The following MEF2C variants were observed in gnomAD, a reference collection of about 807,000 sequenced individuals.
The protein encoded by MEF2C is myocyte-specific enhancer factor 2C.
A neutral mutation model predicts 50.5 loss-of-function variants in MEF2C; 6 were observed. The observed-to-expected ratio is 0.12, with a 90% CI of 0.07 to 0.23. MEF2C has a LOEUF of 0.23. MEF2C is among the 10% of genes least tolerant of loss of function. The pLI, the probability that MEF2C is intolerant of heterozygous loss-of-function variation, is 1.00. For missense variants in MEF2C, 276 were observed against 605.0 expected, an observed-to-expected ratio of 0.46 and a Z score of 5.70; for synonymous variants, 183 against 228.0, an observed-to-expected ratio of 0.80 and a Z score of 1.78.
chr5:88,792,028 A>G (rs530192065), intron 3 of MEF2C, among the ~76,000 whole-genome samples: 1 of 152,218 alleles, frequency 6.6e-6, no homozygotes, highest in East Asian at 1.9e-4. Context: ...AGTAAGATCT[A>G]TATCAATTAT....
intron 2 of MEF2C, among the ~76,000 whole-genome samples, chr5:88,809,639 T>C (rs1801966367): frequency 6.6e-6 from 1 of 152,112 alleles, no homozygotes; most frequent in Non-Finnish European, 1.5e-5. Context: ...TTATTTAGAG[T>C]TGGGTGAATT....
intron 10 of MEF2C, among the ~76,000 whole-genome samples, chr5:88,726,210 A>G (rs951409796): frequency 1.3e-5 from 2 of 152,126 alleles, no homozygotes; most frequent in Non-Finnish European, 2.9e-5. Context: ...GGGAATATCT[A>G]CTTTGGTGGA....
intron 6 of MEF2C, chr5:88,740,978 ATAAT>A: frequency 4.1e-6 from 4 of 985,464 alleles, no homozygotes; most frequent in Non-Finnish European, 4.8e-6. Context: ...AAGAGAAAGA[ATAAT>A]TACTTGTGGT....
intron 1 of MEF2C, among the ~76,000 whole-genome samples, chr5:88,866,373 T>A (rs573129438): frequency 6.6e-6 from 1 of 152,216 alleles, no homozygotes; most frequent in African/African-American, 2.4e-5. Flanking sequence ...ATTAAAGATA[T>A]GGTAGCTATT....
At chr5:88,754,294 CAT>C (rs1285899859) in intron 4 of MEF2C, among the ~76,000 whole-genome samples, 2 of 152,366 alleles carry the variant, frequency 1.3e-5, no homozygotes, top group African/African-American at 4.8e-5. Context: ...CTCCTATACA[CAT>C]AGATCTTGCT....
In MEF2C at chr5:88,867,640, C is replaced by T. The variant is rs560600408; in HGVS notation, c.-143+15315G>A. Among the ~76,000 whole-genome samples, 7 of 152,172 alleles carry T rather than the reference C, an allele frequency of 4.6e-5. No homozygotes were observed. The South Asian group carries it at 1.2e-3, about 27-fold the overall frequency. On this transcript the variant is annotated intron_variant, in intron 1 of 10. Transcript: ENST00000504921. ...AATTCTTTCAAATTAATAATATAAG[C>T]TTTTACACACATATCATAAAAGTTA...
chr5:88,833,974 G>T (rs1814040772), intron 1 of MEF2C, among the ~76,000 whole-genome samples: 1 of 152,056 alleles, frequency 6.6e-6, no homozygotes, highest in African/African-American at 2.4e-5. Flanking sequence ...GAGCTAAATG[G>T]CCTTCAGGAT....
At position 88,804,793 on chromosome 5, in the gene MEF2C, A is replaced by G. The variant is rs1286904092; in HGVS notation, c.63T>C (p.Phe21=). The G allele has an allele frequency of 6.2e-7, 1 of 1,613,224 alleles. No individual in the cohort carries two copies. The highest frequency in any genetic ancestry group is 1.1e-5 in the South Asian group (1 of 91,038). ...IMDERNRQVT[F]TKRKFGLMKK... Reference sequence around the variant, plus strand: ...TCATCAACCCAAATTTCCTCTTTGTAAATGTCACCTAGAAAAAAGAAAGCA... The same window carrying G: ...TCATCAACCCAAATTTCCTCTTTGTGAATGTCACCTAGAAAAAAGAAAGCA... Residue 21 remains phenylalanine (F), a synonymous_variant, in exon 3 of 11, where the codon TTT becomes TTC. Transcript: ENST00000504921.
intron 10 of MEF2C, among the ~76,000 whole-genome samples, chr5:88,724,557 C>G (rs1290399444): frequency 6.6e-6 from 1 of 152,084 alleles, no homozygotes; most frequent in Non-Finnish European, 1.5e-5. Flanking sequence ...GCATTTATAT[C>G]AAGAAACTAC....
chr5:88,898,833 G>C lies in MEF2C; in HGVS notation c.-240+5083C>G, dbSNP rs546023372. 3.9e-5 allele frequency among the ~76,000 whole-genome samples: 6 copies of C among 152,170 alleles called. No individual in the cohort carries two copies. In the South Asian group the frequency reaches 8.3e-4, roughly 21 times the overall value. ...CTTAAAAATATTGAACTCCCCAGCT[G>C]TATTTATCCATTCTTTCATTCCATT... On this transcript the variant is annotated intron_variant, in intron 1 of 11. Coordinates refer to the MEF2C transcript ENST00000340208.
intron 1 of MEF2C, chr5:88,826,008 A>G (rs1367321006): frequency 6.6e-6 from 1 of 152,082 alleles, no homozygotes; most frequent in Non-Finnish European, 1.5e-5. Flanking sequence ...ATTTCAAAAT[A>G]CAAATAACCA....
At chr5:88,825,371 T>A (rs304153) in intron 1 of MEF2C, 133,854 of 374,378 alleles carry the variant, frequency 0.36, 27,016 homozygotes, top group African/African-American at 0.67. Context: ...CTATCCATTC[T>A]CTTTTGCCTC....
intron 3 of MEF2C, among the ~76,000 whole-genome samples, chr5:88,774,066 A>T (rs1024006757): frequency 9.2e-5 from 14 of 152,200 alleles, no homozygotes; most frequent in Non-Finnish European, 1.8e-4. Flanking sequence ...AGGACAGGAA[A>T]CCAGGATGTA....
At chr5:88,869,131 A>T (rs898571459) in intron 1 of MEF2C, among the ~76,000 whole-genome samples, 3 of 151,566 alleles carry the variant, frequency 2.0e-5, no homozygotes, top group Middle Eastern at 3.4e-3. Flanking sequence ...AAGTTGTTTC[A>T]CAAAGGTCTT....
At position 88,760,409 on chromosome 5, in the gene MEF2C, A is replaced by C. The variant is rs1427539954; in HGVS notation, c.402+776T>G. ...AGCTTTAAAATCACCCCAGCACACAAACATGTTGAAATCTTACCATTAGGT... is the reference window on the plus strand; with the variant it reads ...AGCTTTAAAATCACCCCAGCACACACACATGTTGAAATCTTACCATTAGGT... On this transcript the variant is annotated intron_variant, in intron 4 of 10. Coordinates refer to ENST00000504921, the MANE Select transcript of MEF2C (RefSeq NM_002397.5). Among the ~76,000 whole-genome samples, 4 of 152,242 alleles carry C rather than the reference A, an allele frequency of 2.6e-5. No individual in the cohort carries two copies. The East Asian group carries it at 7.7e-4, about 29-fold the overall frequency.
chr5:88,849,065 C>A (rs1427246401), intron 1 of MEF2C, among the ~76,000 whole-genome samples: 5 of 149,956 alleles, frequency 3.3e-5, no homozygotes, highest in Non-Finnish European at 5.9e-5. Context: ...GCAGGAGAAT[C>A]GCTTGAACCC....
intron 10 of MEF2C, among the ~76,000 whole-genome samples, chr5:88,727,839 C>T (rs1476068816): frequency 6.6e-6 from 1 of 151,978 alleles, no homozygotes; most frequent in South Asian, 2.1e-4. Context: ...AAGGTTTGAA[C>T]GTTTCCATAG....
intron 3 of MEF2C, among the ~76,000 whole-genome samples, chr5:88,802,266 G>A (rs1430535462): frequency 8.5e-5 from 13 of 152,140 alleles, no homozygotes; most frequent in African/African-American, 2.9e-4. Flanking sequence ...ATGAGAAAAC[G>A]TCAGCCCAGA....
chr5:88,786,361 G>A (rs1790886809), intron 3 of MEF2C, among the ~76,000 whole-genome samples: 1 of 152,168 alleles, frequency 6.6e-6, no homozygotes, highest in African/African-American at 2.4e-5. Flanking sequence ...TAAACTGCGA[G>A]AAAAGTTGAA....
Sources: gnomAD v4.1 joint callset for allele counts (sites outside exome capture counted in the v4.1 genomes callset) on GRCh38, gnomAD v4.1.1 for gene constraint, MANE v1.5 for transcripts, NCBI Gene and HGNC (gene_info 2026-07-23, HGNC 2026-07-21) for gene names.